ULK4: variants seen among roughly 807,000 people sequenced by gnomAD.
The protein encoded by ULK4 is unc-51 like kinase 4.
Under a neutral mutation model 160.6 loss-of-function variants are expected in ULK4, and 133 were observed. The observed-to-expected ratio is 0.83, with a 90% CI of 0.72 to 0.96. ULK4 has a LOEUF of 0.96. ULK4 is among the 40% of genes least tolerant of loss of function. The pLI is 0.00. For synonymous variants in ULK4, 534 were observed against 539.8 expected (o/e 0.99, Z 0.15); for missense variants, 1,580 against 1,499.5 (o/e 1.05, Z -0.89).
chr3:41,958,838 A>G (rs1192382601), intron 1 of ULK4, among the ~76,000 whole-genome samples: 1 of 152,152 alleles, frequency 6.6e-6, no homozygotes, highest in Non-Finnish European at 1.5e-5. Context: ...TACAGACCTT[A>G]TGGTTTCTGT....
chr3:41,912,903 T>TA lies in ULK4; in HGVS notation c.804-5dup. On this transcript the variant is annotated splice_polypyrimidine_tract_variant and splice_region_variant and intron_variant, in intron 8 of 36. Transcript: ENST00000301831. ...CAGTAGCCTTGTCCAAGTCAATCTT[T>TA]AAAAAACATAAATGTTAAAACTCTA... is the stretch of plus-strand genomic sequence containing the variant. The TA allele has an allele frequency of 6.2e-7, 1 of 1,613,682 alleles. No homozygotes were observed. Among genetic ancestry groups the TA allele is most frequent in the South Asian group, 1.1e-5 (1 of 91,032 alleles).
chr3:41,357,750 C>T (rs550852763), intron 35 of ULK4, among the ~76,000 whole-genome samples: 2 of 152,312 alleles, frequency 1.3e-5, no homozygotes, highest in Non-Finnish European at 2.9e-5. Context: ...CTCCCACTTA[C>T]GCTGTACCTC....
At chr3:41,480,206 CAAAAA>C (rs60805184) in intron 32 of ULK4, among the ~76,000 whole-genome samples, 94 of 97,144 alleles carry the variant, frequency 9.7e-4, no homozygotes, top group Middle Eastern at 5.4e-3. Flanking sequence ...GACTCCGTAT[CAAAAA>C]AAAAAAAAAA....
chr3:41,297,411 C>T (rs1263674468), intron 35 of ULK4, among the ~76,000 whole-genome samples: 3 of 152,342 alleles, frequency 2.0e-5, no homozygotes, highest in Non-Finnish European at 4.4e-5. Flanking sequence ...ATGAAGCATT[C>T]CAACATACTG....
intron 30 of ULK4, among the ~76,000 whole-genome samples, chr3:41,655,640 A>G (rs2034912191): frequency 6.6e-6 from 1 of 152,200 alleles, no homozygotes; most frequent in African/African-American, 2.4e-5. Flanking sequence ...CTTGGAGTTC[A>G]AGGCTGCAGT....
intron 27 of ULK4, among the ~76,000 whole-genome samples, chr3:41,682,410 C>T (rs1283465552): frequency 2.6e-5 from 4 of 152,170 alleles, no homozygotes; most frequent in Non-Finnish European, 5.9e-5. Flanking sequence ...ATCCCTACTC[C>T]AGTCTAATGA....
intron 34 of ULK4, among the ~76,000 whole-genome samples, chr3:41,420,074 T>C (rs1287489685): frequency 6.6e-6 from 1 of 152,054 alleles, no homozygotes; most frequent in African/African-American, 2.4e-5. Context: ...TCCTCTTTTT[T>C]TCTCTAAAGA....
chr3:41,852,151 T>C (rs188541937), intron 17 of ULK4, among the ~76,000 whole-genome samples: 128 of 152,238 alleles, frequency 8.4e-4, no homozygotes, highest in African/African-American at 2.9e-3. Context: ...AATGGATAAA[T>C]TCCTCGACAC....
rs537279699 is a variant in ULK4, at chr3:41,938,082, A to C, written c.238+16T>G. The stretch of plus-strand genomic sequence containing the variant: ...CAATACTATATTCATAGCACTTTTT[A>C]CATACTCTTTCTTACCTGTGCAGAG... On this transcript the variant is annotated intron_variant, in intron 3 of 36. Transcript: ENST00000301831. The C allele has an allele frequency of 6.4e-7, 1 of 1,571,266 alleles. No individual in the cohort carries two copies. The highest frequency in any genetic ancestry group is 1.4e-5 in the African/African-American group (1 of 73,316).
chr3:41,438,899 A>T (rs544754526), intron 34 of ULK4, among the ~76,000 whole-genome samples: 1 of 152,074 alleles, frequency 6.6e-6, no homozygotes, highest in South Asian at 2.1e-4. Context: ...TAGAAAAGAG[A>T]TGTAAAGCTC....
chr3:41,765,753 A>C lies in ULK4; in HGVS notation c.2194-11265T>G, dbSNP rs868502056. ...AGGAAGCAATCTTATAATACTATATATCTTTCAAAATGAATATATTATCTT... is the reference window on the plus strand; with the variant it reads ...AGGAAGCAATCTTATAATACTATATCTCTTTCAAAATGAATATATTATCTT... On this transcript the variant is annotated intron_variant, in intron 21 of 36. Coordinates refer to ENST00000301831, the MANE Select transcript of ULK4 (RefSeq NM_017886.4). Among the ~76,000 whole-genome samples the C allele has an allele frequency of 4.9e-4, 75 of 152,346 alleles. No homozygotes were observed. The Middle Eastern group carries it at 0.02, about 41-fold the overall frequency.
intron 27 of ULK4, among the ~76,000 whole-genome samples, chr3:41,685,895 C>T (rs2036087031): frequency 6.6e-6 from 1 of 151,988 alleles, no homozygotes; most frequent in Admixed American, 6.6e-5. Flanking sequence ...AGCCCAAGGA[C>T]CATGGTCAGT....
At chr3:41,670,747 A>C (rs552933922) in intron 29 of ULK4, among the ~76,000 whole-genome samples, 3 of 152,116 alleles carry the variant, frequency 2.0e-5, no homozygotes, top group Admixed American at 2.0e-4. Flanking sequence ...GATCAACAGC[A>C]AATTTTCATT....
intron 35 of ULK4, among the ~76,000 whole-genome samples, chr3:41,312,672 C>T (rs1441062547): frequency 6.6e-6 from 1 of 151,524 alleles, no homozygotes; most frequent in Admixed American, 6.6e-5. Context: ...AACAAAAAAA[C>T]ATTAGCACAC....
In ULK4 at chr3:41,789,842, G is replaced by T. The variant is rs1232729105; in HGVS notation, c.2012C>A (p.Ala671Asp). ...AGAATGGCGAGTGATTCTACACAAG[G>T]CCTACAAAGACAAGAGAACAGACCT... Reference protein sequence around the residue: ...ADSLRITAVSALCRITRHSPT... With the variant: ...ADSLRITAVSDLCRITRHSPT... The change falls in exon 21 of 37, where the codon GCC becomes GAC. Residue 671 changes from alanine (A) to aspartate (D), a missense_variant and splice_region_variant. Transcript: ENST00000301831. 1.2e-6 allele frequency: 2 copies of T among 1,603,250 alleles called. No homozygotes were observed. The highest frequency in any genetic ancestry group is 1.7e-5 in the Admixed American group (1 of 58,378).
chr3:41,530,829 T>C (rs148047663), intron 32 of ULK4, among the ~76,000 whole-genome samples: 3,436 of 152,168 alleles, frequency 0.023, 128 homozygotes, highest in African/African-American at 0.078. Context: ...AGTGGCATGA[T>C]CTCGGCTCAC....
intron 16 of ULK4, among the ~76,000 whole-genome samples, chr3:41,894,543 A>G (rs541269702): frequency 2.1e-4 from 32 of 152,226 alleles, no homozygotes; most frequent in Non-Finnish European, 3.2e-4. Context: ...CTTGATGATA[A>G]TAACTACAAC....
At chr3:41,917,782 C>T (rs1182939148) in intron 7 of ULK4, among the ~76,000 whole-genome samples, 1 of 151,976 alleles carries the variant, frequency 6.6e-6, no homozygotes, top group Non-Finnish European at 1.5e-5. Flanking sequence ...GAGTTTGAGA[C>T]CAGCCTGGCC....
At chr3:41,506,006 TA>T (rs1263024788) in intron 32 of ULK4, among the ~76,000 whole-genome samples, 1 of 152,162 alleles carries the variant, frequency 6.6e-6, no homozygotes, top group Non-Finnish European at 1.5e-5. Flanking sequence ...CCAAAAGTTT[TA>T]AATTATAAAT....
Sources: allele counts gnomAD v4.1 joint callset (sites outside exome capture counted in the v4.1 genomes callset), GRCh38; gene constraint gnomAD v4.1.1; transcripts MANE v1.5; gene names NCBI Gene and HGNC (gene_info 2026-07-23, HGNC 2026-07-21).